LRRC75A: variants seen among roughly 807,000 people sequenced by gnomAD.
LRRC75A encodes the protein leucine-rich repeat-containing protein 75A.
Under a neutral mutation model 26.0 loss-of-function variants are expected in LRRC75A, and 12 were observed. The observed-to-expected ratio is 0.46, with a 90% CI of 0.30 to 0.75. The LOEUF (loss-of-function observed/expected upper bound fraction) is 0.75. Among genes scored for constraint, LRRC75A ranks in the 30% least tolerant of loss-of-function variants. The pLI is 0.08. For missense variants in LRRC75A, 410 were observed against 486.6 expected (o/e 0.84, Z 1.48); for synonymous variants, 223 against 219.3 (o/e 1.02, Z -0.15).
rs545151836 is a variant in LRRC75A, at chr17:16,490,556, G to A, written c.246+1189C>T. On this transcript the variant is annotated intron_variant, in intron 1 of 3. Transcript: ENST00000470794. ...CCCTCGTCTCTGCTTGCCTCTCCCT[G>A]TGCAGTGCACAGCTTGGGGACACAT... 9.9e-5 allele frequency among the ~76,000 whole-genome samples: 15 copies of A among 152,192 alleles called. No homozygotes were observed. The South Asian group carries it at 1.7e-3, about 17-fold the overall frequency.
intron 1 of LRRC75A, among the ~76,000 whole-genome samples, chr17:16,484,507 C>T (rs2093841867): frequency 6.6e-6 from 1 of 152,112 alleles, no homozygotes; most frequent in East Asian, 1.9e-4. Flanking sequence ...ACAATCAAAT[C>T]GAGCCGGGCA....
rs372363784 is a variant in LRRC75A at position 16,444,107 on chromosome 17, G to A, written c.516C>T (p.Ser172=). Residue 172 remains serine, a synonymous_variant, in exon 4 of 4, where the codon AGC becomes AGT. Coordinates refer to ENST00000470794, the MANE Select transcript of LRRC75A (RefSeq NM_001113567.3). ...QACLKAVLAG[S]PPDNTVDLSG... is the part of the protein sequence containing the mutation. Reference sequence around the variant, plus strand: ...ACAGGTCCACTGTGTTGTCTGGGGGGCTTCCGGCCAGGACAGCCTTGAGGC... The same window carrying A: ...ACAGGTCCACTGTGTTGTCTGGGGGACTTCCGGCCAGGACAGCCTTGAGGC... The A allele has an allele frequency of 2.5e-6, 4 of 1,605,062 alleles. No homozygotes were observed. The highest frequency in any genetic ancestry group is 2.7e-5 in the African/African-American group (2 of 74,794).
chr17:16,468,774 G>A lies in LRRC75A; in HGVS notation c.247-6388C>T, dbSNP rs1399831206. On this transcript the variant is annotated intron_variant, in intron 1 of 3. Transcript: ENST00000470794. ...CCCGGTGGCTCATGCCTGTAATCCC[G>A]GCACTTTGGGAGGCTGAAGCAGGAG... Among the ~76,000 whole-genome samples, 6 of 152,226 alleles carry A rather than the reference G, an allele frequency of 3.9e-5. No individual in the cohort carries two copies. The South Asian group carries it at 6.2e-4, about 16-fold the overall frequency.
intron 1 of LRRC75A, among the ~76,000 whole-genome samples, chr17:16,477,489 G>C (rs963181377): frequency 6.6e-6 from 1 of 152,224 alleles, no homozygotes; most frequent in Non-Finnish European, 1.5e-5. Context: ...GAGACCAGGC[G>C]GGATAGAGGA....
At chr17:16,476,963 C>T (rs1399934637) in intron 1 of LRRC75A, among the ~76,000 whole-genome samples, 4 of 151,532 alleles carry the variant, frequency 2.6e-5, no homozygotes, top group South Asian at 2.1e-4. Context: ...TGGTCTCAAT[C>T]TCCTGACCTT....
In LRRC75A at chr17:16,487,077, G is replaced by A. The variant is rs78189296; in HGVS notation, c.246+4668C>T. Reference sequence around the variant, plus strand: ...ATCTGACAAACAAAAGGAACATCAGGGAAAAACTCTGCATGGATTGAATGC... The same window carrying A: ...ATCTGACAAACAAAAGGAACATCAGAGAAAAACTCTGCATGGATTGAATGC... On this transcript the variant is annotated intron_variant, in intron 1 of 3. Coordinates refer to ENST00000470794, the MANE Select transcript of LRRC75A (RefSeq NM_001113567.3). 5.3e-5 allele frequency among the ~76,000 whole-genome samples: 8 copies of A among 152,306 alleles called. No individual in the cohort carries two copies. The East Asian group carries it at 1.5e-3, about 29-fold the overall frequency.
At chr17:16,457,886 A>C (rs1245836910) in intron 2 of LRRC75A, among the ~76,000 whole-genome samples, 3 of 152,096 alleles carry the variant, frequency 2.0e-5, no homozygotes, top group African/African-American at 7.2e-5. Context: ...AGGTGGGAGG[A>C]TCACTTGAGC....
intron 3 of LRRC75A, chr17:16,446,985 C>T (rs1311007874): frequency 2.8e-6 from 1 of 356,852 alleles, no homozygotes; most frequent in Non-Finnish European, 5.6e-6. Flanking sequence ...GTTCTTTCTT[C>T]TCCATGAGGG....
At chr17:16,487,251 C>T (rs552597628) in intron 1 of LRRC75A, among the ~76,000 whole-genome samples, 1 of 152,288 alleles carries the variant, frequency 6.6e-6, no homozygotes, top group Admixed American at 6.5e-5. Flanking sequence ...CAGCGTAGGG[C>T]CCCCCTGCTC....
chr17:16,455,481 C>T (rs2093670034), intron 2 of LRRC75A, among the ~76,000 whole-genome samples: 2 of 151,314 alleles, frequency 1.3e-5, no homozygotes, highest in Admixed American at 6.6e-5. Context: ...CAGATTCAAG[C>T]GGTTCTCTTG....
At chr17:16,453,326 ACGCACACG>A (rs1351464239) in intron 2 of LRRC75A, among the ~76,000 whole-genome samples, 82 of 137,686 alleles carry the variant, frequency 6.0e-4, no homozygotes, top group African/African-American at 2.3e-3. Flanking sequence ...ACACGCACAC[ACGCACACG>A]CACACACGCA....
At chr17:16,476,917 T>G (rs1235335146) in intron 1 of LRRC75A, among the ~76,000 whole-genome samples, 1 of 151,856 alleles carries the variant, frequency 6.6e-6, no homozygotes, top group Admixed American at 6.6e-5. Context: ...TTTTTGTATT[T>G]TTAGTAGAGA....
chr17:16,454,526 T>C (rs2093661067), intron 2 of LRRC75A, among the ~76,000 whole-genome samples: 2 of 151,338 alleles, frequency 1.3e-5, no homozygotes, highest in Admixed American at 1.3e-4. Context: ...ACCCCATCTC[T>C]ACTGAAAATA....
chr17:16,478,386 A>C (rs1288882651), intron 1 of LRRC75A: 1 of 151,728 alleles, frequency 6.6e-6, no homozygotes, highest in African/African-American at 2.4e-5. Context: ...GGATTTAACT[A>C]TGTTGGTCAG....
intron 3 of LRRC75A, among the ~76,000 whole-genome samples, chr17:16,445,165 T>TC (rs2093572235): frequency 1.7e-5 from 1 of 57,618 alleles, no homozygotes; most frequent in African/African-American, 5.9e-5. Context: ...TGCATTTTTT[T>TC]TTTTTTTTTT....
chr17:16,485,666 G>T (rs1055138617), intron 1 of LRRC75A, among the ~76,000 whole-genome samples: 120 of 128,756 alleles, frequency 9.3e-4, no homozygotes, highest in Non-Finnish European at 1.3e-3. Context: ...GTGTGTGTGT[G>T]TGTTCGTGTG....
intron 1 of LRRC75A, among the ~76,000 whole-genome samples, chr17:16,482,326 C>T (rs887058812): frequency 2.0e-5 from 3 of 152,110 alleles, no homozygotes; most frequent in Non-Finnish European, 4.4e-5. Flanking sequence ...TGGGTGGAGG[C>T]TCCATGGGGA....
intron 3 of LRRC75A, among the ~76,000 whole-genome samples, chr17:16,447,208 A>C (rs538171026): frequency 3.3e-5 from 5 of 152,106 alleles, no homozygotes; most frequent in African/African-American, 9.6e-5. Context: ...TCTGTGTCCT[A>C]CATGCCCCTC....
At chr17:16,448,321 T>G in intron 2 of LRRC75A, 1 of 295,012 alleles carries the variant, frequency 3.4e-6, no homozygotes, top group South Asian at 3.0e-5. Context: ...ATTCTCTTGC[T>G]CAGCAGATTT....
Sources: gnomAD v4.1 joint callset for allele counts (sites outside exome capture counted in the v4.1 genomes callset) on GRCh38, gnomAD v4.1.1 for gene constraint, MANE v1.5 for transcripts, NCBI Gene and HGNC (gene_info 2026-07-23, HGNC 2026-07-21) for gene names.